The following RASSF3 variants were observed in gnomAD, a reference collection of about 807,000 sequenced individuals.
RASSF3 encodes the protein Ras association domain family member 3.
RASSF3 carries 19 observed loss-of-function variants against 19.9 expected under a neutral mutation model. The observed-to-expected ratio is 0.96, with a 90% CI of 0.67 to 1.40. The LOEUF (loss-of-function observed/expected upper bound fraction) is 1.40, where lower values mean the gene tolerates loss of function less well. Ranked by LOEUF, RASSF3 falls within the 40% of genes most tolerant of loss-of-function variation. RASSF3 has a pLI of 0.00. For missense variants in RASSF3, 306 were observed against 289.8 expected (o/e 1.06, Z -0.41); for synonymous variants, 110 against 104.2 (o/e 1.06, Z -0.34).
intron 1 of RASSF3, among the ~76,000 whole-genome samples, chr12:64,521,643 T>C (rs1038886059): frequency 6.6e-6 from 1 of 152,220 alleles, no homozygotes; most frequent in African/African-American, 2.4e-5. Flanking sequence ...GTTGCCCTTC[T>C]TCCATGCGTC....
chr12:64,529,919 G>C (rs1041385215), upstream of RASSF3, among the ~76,000 whole-genome samples: 1 of 152,194 alleles, frequency 6.6e-6, no homozygotes, highest in South Asian at 2.1e-4. Flanking sequence ...AGCTTGGTGA[G>C]AGATTTTCTT....
Position 64,694,894 on chromosome 12 carries a change from G to A in RASSF3, c.699G>A (p.Glu233=). ...AGAAGCTGGAAGAAGCCCTCCGTGAGGTGTGGAAGCCTGATTAAAGCGGGG... is the reference window on the plus strand; with the variant it reads ...AGAAGCTGGAAGAAGCCCTCCGTGAAGTGTGGAAGCCTGATTAAAGCGGGG... ...YRQKLEEALR[E]VWKPD Residue 233 remains glutamate (E), a synonymous_variant, in exon 5 of 5, where the codon GAG becomes GAA. Transcript: ENST00000542104. 6.2e-7 allele frequency: 1 copy of A among 1,614,178 alleles called. No homozygotes were observed. Among genetic ancestry groups the A allele is most frequent in the Non-Finnish European group, 8.5e-7 (1 of 1,180,018 alleles).
chr12:64,694,490 A>G (rs1868326523), intron 4 of RASSF3, among the ~76,000 whole-genome samples: 1 of 152,188 alleles, frequency 6.6e-6, no homozygotes, highest in Admixed American at 6.5e-5. Context: ...AAAGTGTCCA[A>G]TAGACTTAGG....
chr12:64,579,152 A>C (rs1308621551), intron 2 of RASSF3, among the ~76,000 whole-genome samples: 5 of 151,694 alleles, frequency 3.3e-5, no homozygotes, highest in African/African-American at 7.3e-5. Flanking sequence ...TGCCTTTTTG[A>C]TGGGGTACCA....
At chr12:64,526,272 C>T (rs543348605) in intron 1 of RASSF3, among the ~76,000 whole-genome samples, 10 of 152,172 alleles carry the variant, frequency 6.6e-5, no homozygotes, top group Middle Eastern at 3.4e-3. Flanking sequence ...TTAAATCAAC[C>T]TCATTAATAT....
intron 2 of RASSF3, among the ~76,000 whole-genome samples, chr12:64,569,692 G>T (rs1869486655): frequency 6.6e-6 from 1 of 152,146 alleles, no homozygotes; most frequent in Admixed American, 6.6e-5. Context: ...TAAGCTGGGC[G>T]CAGTGGCTCA....
intron 1 of RASSF3, among the ~76,000 whole-genome samples, chr12:64,631,607 T>G (rs1871170856): frequency 6.6e-6 from 1 of 152,138 alleles, no homozygotes; most frequent in Non-Finnish European, 1.5e-5. Flanking sequence ...AGTCTTGCTC[T>G]GTCGCCCAGG....
chr12:64,625,718 AGTTCCCTG>A (rs1870963470), intron 1 of RASSF3, among the ~76,000 whole-genome samples: 1 of 151,128 alleles, frequency 6.6e-6, no homozygotes, highest in South Asian at 2.1e-4. Flanking sequence ...CTTAGAGTCC[AGTTCCCTG>A]GCCGTGGCTG....
intron 1 of RASSF3, among the ~76,000 whole-genome samples, chr12:64,510,967 C>T (rs1288804257): frequency 2.6e-5 from 4 of 152,166 alleles, no homozygotes; most frequent in Non-Finnish European, 5.9e-5. Flanking sequence ...CTACTGAGAG[C>T]TGTGTGACTT....
In RASSF3 at chr12:64,666,501, G is replaced by A. The variant is rs575083928; in HGVS notation, c.112-18286G>A. On this transcript the variant is annotated intron_variant, in intron 1 of 4. Coordinates refer to ENST00000542104, the MANE Select transcript of RASSF3 (RefSeq NM_178169.4). Reference sequence around the variant, plus strand: ...GCAGATTTGAGCAGATTTGAGCAGTGTACTCTGGTTTTCCAAAGCCTTCCA... The same window carrying A: ...GCAGATTTGAGCAGATTTGAGCAGTATACTCTGGTTTTCCAAAGCCTTCCA... 2.0e-5 allele frequency among the ~76,000 whole-genome samples: 3 copies of A among 152,274 alleles called. No individual in the cohort carries two copies. In the South Asian group the frequency reaches 6.2e-4, roughly 32 times the overall value.
At position 64,660,818 on chromosome 12, in the gene RASSF3, A is replaced by C. The variant is rs538046286; in HGVS notation, c.112-23969A>C. 2.0e-5 allele frequency among the ~76,000 whole-genome samples: 3 copies of C among 152,258 alleles called. No individual in the cohort carries two copies. The East Asian group carries it at 5.8e-4, about 29-fold the overall frequency. ...TGTTCTGCTGACTTGTCTCGTGCTT[A>C]GTAGTCCTTTCCTGCCTCCTCTTGT... On this transcript the variant is annotated intron_variant, in intron 1 of 4. Coordinates refer to ENST00000542104, the MANE Select transcript of RASSF3 (RefSeq NM_178169.4).
chr12:64,655,470 A>G (rs1872122813), intron 1 of RASSF3, among the ~76,000 whole-genome samples: 1 of 151,946 alleles, frequency 6.6e-6, no homozygotes, highest in Non-Finnish European at 1.5e-5. Flanking sequence ...ATACATATAT[A>G]TTTTTTTTTC....
At chr12:64,623,859 G>C (rs1042547970) in intron 1 of RASSF3, among the ~76,000 whole-genome samples, 3 of 151,832 alleles carry the variant, frequency 2.0e-5, no homozygotes, top group African/African-American at 7.3e-5. Flanking sequence ...GTGTTGGCCA[G>C]ACTGGCCTCA....
intron 1 of RASSF3, among the ~76,000 whole-genome samples, chr12:64,514,186 C>A (rs917162218): frequency 3.2e-5 from 4 of 124,440 alleles, no homozygotes; most frequent in Non-Finnish European, 6.4e-5. Context: ...AGCGCTCAGC[C>A]TCTTTTTTTT....
At chr12:64,671,679 G>C (rs1872706931) in intron 1 of RASSF3, among the ~76,000 whole-genome samples, 1 of 152,226 alleles carries the variant, frequency 6.6e-6, no homozygotes, top group African/African-American at 2.4e-5. Flanking sequence ...TGATTCCTCA[G>C]ATAAAACCAA....
chr12:64,512,849 A>G (rs1418428634), intron 1 of RASSF3, among the ~76,000 whole-genome samples: 2 of 152,180 alleles, frequency 1.3e-5, no homozygotes, highest in Non-Finnish European at 2.9e-5. Flanking sequence ...AATCATCCTC[A>G]ATAAAGTTAT....
chr12:64,538,302 T>G (rs1868872436), intron 1 of RASSF3, among the ~76,000 whole-genome samples: 1 of 152,126 alleles, frequency 6.6e-6, no homozygotes, highest in African/African-American at 2.4e-5. Context: ...CTTAGTTTCC[T>G]CTTCCTGTAA....
intron 1 of RASSF3, among the ~76,000 whole-genome samples, chr12:64,652,390 AG>A (rs1367505453): frequency 1.3e-5 from 2 of 151,490 alleles, no homozygotes; most frequent in African/African-American, 4.9e-5. Flanking sequence ...AGGACTGCAA[AG>A]GTGTTTTTTT....
intron 1 of RASSF3, among the ~76,000 whole-genome samples, chr12:64,641,230 C>T (rs2136182386): frequency 6.6e-6 from 1 of 150,808 alleles, no homozygotes; most frequent in Middle Eastern, 3.4e-3. Flanking sequence ...ACCCTGTCTC[C>T]ACTAAATATA....
Sources: allele counts gnomAD v4.1 joint callset (sites outside exome capture counted in the v4.1 genomes callset), GRCh38; gene constraint gnomAD v4.1.1; transcripts MANE v1.5; gene names NCBI Gene and HGNC (gene_info 2026-07-23, HGNC 2026-07-21).